Variants in CECR2 observed in about 807,000 individuals in gnomAD.
CECR2 encodes the protein CECR2 histone acetyl-lysine reader.
Under a neutral mutation model 154.5 loss-of-function variants are expected in CECR2, and 30 were observed. The observed-to-expected ratio is 0.19, with a 90% CI of 0.15 to 0.26. CECR2 has a LOEUF of 0.26. Ranked by LOEUF, CECR2 falls within the 10% of genes least tolerant of loss-of-function variation. The probability of loss-of-function intolerance (pLI) is 1.00; values close to 1 mark genes in which losing one functional copy is unlikely to be tolerated. For synonymous variants in CECR2, 725 were observed against 683.7 expected (o/e 1.06, Z -0.94); for missense variants, 1,743 against 1,829.3 (o/e 0.95, Z 0.86).
upstream of CECR2, among the ~76,000 whole-genome samples, chr22:17,369,070 C>T (rs1408285276): frequency 1.3e-5 from 2 of 152,194 alleles, no homozygotes; most frequent in Non-Finnish European, 2.9e-5. Flanking sequence ...AATAACTGAA[C>T]TCCCACACGT....
intron 16 of CECR2, among the ~76,000 whole-genome samples, chr22:17,543,572 T>C (rs969039872): frequency 1.3e-5 from 2 of 151,692 alleles, no homozygotes; most frequent in African/African-American, 4.8e-5. Context: ...AGACTTTTTT[T>C]TTTTTTTGAG....
chr22:17,503,991 G>C (rs2055786806), intron 6 of CECR2, among the ~76,000 whole-genome samples: 1 of 151,890 alleles, frequency 6.6e-6, no homozygotes, highest in Non-Finnish European at 1.5e-5. Flanking sequence ...AGGCTGCAGT[G>C]AGCTGAGATG....
intron 2 of CECR2, among the ~76,000 whole-genome samples, chr22:17,495,638 G>A (rs1310441580): frequency 1.3e-5 from 2 of 151,168 alleles, no homozygotes; most frequent in African/African-American, 2.4e-5. Context: ...CGAGGCGGGT[G>A]GATCATGAGG....
intron 2 of CECR2, among the ~76,000 whole-genome samples, chr22:17,495,030 T>G (rs1239299303): frequency 6.6e-6 from 1 of 152,156 alleles, no homozygotes; most frequent in Non-Finnish European, 1.5e-5. Flanking sequence ...CCTTCTTAAT[T>G]TTTTCCACAA....
intron 2 of CECR2, 116 bp from the exon 3 acceptor site, chr22:17,497,287 C>A: frequency 9.9e-7 from 1 of 1,014,128 alleles, no homozygotes; most frequent in Non-Finnish European, 1.4e-6. Flanking sequence ...GAGACCCTGT[C>A]TGTATAAAAA....
chr22:17,546,013 C>G (rs2056608056), intron 16 of CECR2, among the ~76,000 whole-genome samples: 1 of 151,974 alleles, frequency 6.6e-6, no homozygotes, highest in South Asian at 2.1e-4. Context: ...AATCACACCA[C>G]TACACTCCAG....
intron 1 of CECR2, chr22:17,424,583 T>G (rs1245804845): frequency 1.3e-5 from 2 of 157,798 alleles, no homozygotes; most frequent in Non-Finnish European, 2.9e-5. Context: ...TTGTTGGATC[T>G]CTCCTCACAC....
At chr22:17,379,087 GC>G (rs1191614997) in intron 1 of CECR2, among the ~76,000 whole-genome samples, 2 of 152,074 alleles carry the variant, frequency 1.3e-5, no homozygotes, top group Admixed American at 6.6e-5. Flanking sequence ...CTCTCAAGAA[GC>G]TGGTATTACA....
intron 6 of CECR2, 92 bp from the exon 7 acceptor site, chr22:17,504,755 A>T: frequency 2.6e-6 from 3 of 1,160,736 alleles, no homozygotes; most frequent in Non-Finnish European, 2.5e-6. Context: ...TCCTTATTTT[A>T]GTCATGACCC....
At chr22:17,431,593 T>C (rs5747130) in intron 1 of CECR2, among the ~76,000 whole-genome samples, 24,356 of 152,198 alleles carry the variant, frequency 0.16, 2,142 homozygotes, top group South Asian at 0.25. Context: ...TATATACTAC[T>C]GTTTCACCTG....
In CECR2 at chr22:17,467,212, A is replaced by G. The variant is rs187997602; in HGVS notation, c.127-10376A>G. On this transcript the variant is annotated intron_variant, in intron 1 of 18. Transcript: ENST00000262608. ...TCACTTCACTCATATTTCATTGACC[A>G]GAACATTTTCATAAGCAAGCCATAG... is the stretch of plus-strand genomic sequence containing the variant. Among the ~76,000 whole-genome samples the G allele has an allele frequency of 2.0e-5, 3 of 152,376 alleles. No homozygotes were observed. The East Asian group carries it at 5.8e-4, about 29-fold the overall frequency.
chr22:17,475,591 C>A (rs1427853836), intron 1 of CECR2, among the ~76,000 whole-genome samples: 1 of 152,122 alleles, frequency 6.6e-6, no homozygotes, highest in Non-Finnish European at 1.5e-5. Flanking sequence ...CCACACCCGG[C>A]TAGTTTCTAC....
intron 1 of CECR2, among the ~76,000 whole-genome samples, chr22:17,385,606 A>G (rs891637129): frequency 2.0e-5 from 3 of 152,242 alleles, no homozygotes; most frequent in Admixed American, 6.5e-5. Context: ...ACAGATCAAC[A>G]TAACAGATTT....
At position 17,548,586 on chromosome 22, in the gene CECR2, C is replaced by T. The variant is rs766397464; in HGVS notation, c.3299C>T (p.Thr1100Ile). The T allele has an allele frequency of 4.3e-6, 7 of 1,613,542 alleles. No homozygotes were observed. Among genetic ancestry groups the T allele is most frequent in the South Asian group, 3.3e-5 (3 of 91,012 alleles). ...CCATGCACGGGACAGAACGCAGCGA[C>T]ACCGCCCAGCACAGACCCCGGTTTG... ...TMPCTGQNAA[T>I]PPSTDPGLTG... The change falls in exon 17 of 19, where the codon ACA becomes ATA. Residue 1100 changes from threonine to isoleucine, a missense_variant. By Grantham distance (89) the Thr-to-Ile change is moderately conservative (BLOSUM62 -1). Around this residue, in one of 4 missense-constraint regions of CECR2, gnomAD observed 1,250 missense variants for 1,192.1 expected, o/e 1.05. Transcript: ENST00000262608.
At chr22:17,500,516 T>C in intron 4 of CECR2, 115 bp from the exon 5 acceptor site, 1 of 735,996 alleles carries the variant, frequency 1.4e-6, no homozygotes, top group Non-Finnish European at 2.2e-6. Context: ...CCTTTTCCTT[T>C]CACTGCTACA....
intron 17 of CECR2, among the ~76,000 whole-genome samples, chr22:17,551,729 T>G (rs542404788): frequency 1.3e-5 from 2 of 151,614 alleles, no homozygotes; most frequent in Admixed American, 6.5e-5. Context: ...GCCCAGAAGA[T>G]TGAGGCTGCA....
intron 2 of CECR2, among the ~76,000 whole-genome samples, chr22:17,490,305 C>T (rs1451081521): frequency 6.6e-6 from 1 of 152,056 alleles, no homozygotes; most frequent in East Asian, 1.9e-4. Context: ...TTATATAGTC[C>T]TGGGAAGTTG....
intron 1 of CECR2, among the ~76,000 whole-genome samples, chr22:17,430,440 C>T (rs146151746): frequency 6.6e-6 from 1 of 152,240 alleles, no homozygotes; most frequent in Non-Finnish European, 1.5e-5. Flanking sequence ...CTCTATCAGC[C>T]AATTTATTCT....
rs1361364116 is a variant in CECR2, at chr22:17,544,376, T to C, written c.2860+1373T>C. On this transcript the variant is annotated intron_variant, in intron 16 of 18. Transcript: ENST00000262608. ...AGCCGAGCGTGGTGGCAGGCGCCTGTAGTCCCAGCTACTCCGGAGGCTGAG... is the reference window on the plus strand; with the variant it reads ...AGCCGAGCGTGGTGGCAGGCGCCTGCAGTCCCAGCTACTCCGGAGGCTGAG... Among the ~76,000 whole-genome samples the C allele has an allele frequency of 2.0e-5, 3 of 151,010 alleles. No homozygotes were observed. The Admixed American group carries it at 2.0e-4, about 10-fold the overall frequency.
Sources: allele counts gnomAD v4.1 joint callset (sites outside exome capture counted in the v4.1 genomes callset), GRCh38; gene constraint gnomAD v4.1.1; regional missense constraint gnomAD v4.1.1; transcripts MANE v1.5; gene names NCBI Gene and HGNC (gene_info 2026-07-23, HGNC 2026-07-21).